The following NAPB variants were observed in gnomAD, a reference collection of about 807,000 sequenced individuals.
NAPB encodes NSF attachment protein beta.
Under a neutral mutation model 44.7 loss-of-function variants are expected in NAPB, and 26 were observed. That is an observed-to-expected ratio of 0.58 (90% CI 0.43 to 0.81). The LOEUF (loss-of-function observed/expected upper bound fraction) is 0.81, where lower values mean the gene tolerates loss of function less well. Ranked by LOEUF, NAPB falls within the 30% of genes least tolerant of loss-of-function variation. The pLI, the probability that NAPB is intolerant of heterozygous loss-of-function variation, is 0.00. For synonymous variants in NAPB, 120 were observed against 116.8 expected (o/e 1.03, Z -0.18); for missense variants, 315 against 356.4 (o/e 0.88, Z 0.94).
chr20:23,420,121 TCTGC>T (rs892011224), intron 1 of NAPB, among the ~76,000 whole-genome samples: 2 of 152,208 alleles, frequency 1.3e-5, no homozygotes, highest in Admixed American at 1.3e-4. Flanking sequence ...ACACAAAATT[TCTGC>T]CTTTCTCATC....
intron 7 of NAPB, among the ~76,000 whole-genome samples, chr20:23,389,007 AGG>A: frequency 1.3e-5 from 2 of 152,258 alleles, no homozygotes; most frequent in South Asian, 4.1e-4. Context: ...CATATCTAAT[AGG>A]GGATTAATAT....
In NAPB at chr20:23,413,130, C is replaced by G. The variant is rs981634964; in HGVS notation, c.98+8175G>C. Among the ~76,000 whole-genome samples the G allele has an allele frequency of 1.0e-4, 15 of 150,420 alleles. No homozygotes were observed. In the East Asian group the frequency reaches 2.9e-3, roughly 29 times the overall value. On this transcript the variant is annotated intron_variant, in intron 1 of 10. Coordinates refer to ENST00000377026, the MANE Select transcript of NAPB (RefSeq NM_022080.3). ...TGGGAAACACAGCAAGATTCCGTGT[C>G]GAAAAAAAAATTTTAAGTAAAGTGT...
At chr20:23,415,584 A>C (rs1985945526) in intron 1 of NAPB, among the ~76,000 whole-genome samples, 1 of 151,648 alleles carries the variant, frequency 6.6e-6, no homozygotes, top group African/African-American at 2.4e-5. Flanking sequence ...ACAGAGCAAG[A>C]CTCCATTTCA....
chr20:23,418,278 T>C lies in NAPB; in HGVS notation c.98+3027A>G, dbSNP rs540621000. On this transcript the variant is annotated intron_variant, in intron 1 of 10. Transcript: ENST00000377026. Reference sequence around the variant, plus strand: ...GAGATGGATTACTCTGCGTTTTAAATAAAGGATTACATGCAGACCTTTAGG... The same window carrying C: ...GAGATGGATTACTCTGCGTTTTAAACAAAGGATTACATGCAGACCTTTAGG... 9.2e-5 allele frequency among the ~76,000 whole-genome samples: 14 copies of C among 152,330 alleles called. 1 individual carries two copies. Among genetic ancestry groups the C allele is most frequent in the Middle Eastern group, 3.4e-3 (1 of 294 alleles).
intron 2 of NAPB, among the ~76,000 whole-genome samples, chr20:23,400,377 G>A (rs1279556552): frequency 2.6e-5 from 4 of 152,128 alleles, no homozygotes; most frequent in African/African-American, 7.2e-5. Flanking sequence ...TTAGCTGGGC[G>A]TGGTGGCACA....
intron 1 of NAPB, among the ~76,000 whole-genome samples, chr20:23,410,243 T>TG (rs1226513234): frequency 6.6e-6 from 1 of 152,070 alleles, no homozygotes; most frequent in East Asian, 1.9e-4. Flanking sequence ...GAAACCGCAC[T>TG]TAACTGTACC....
chr20:23,398,332 C>A (rs1984530087), intron 2 of NAPB, among the ~76,000 whole-genome samples: 1 of 152,084 alleles, frequency 6.6e-6, no homozygotes, highest in Non-Finnish European at 1.5e-5. Flanking sequence ...TGATATTAAA[C>A]ATTTGCTATA....
intron 7 of NAPB, 45 bp from the exon 8 acceptor site, chr20:23,381,362 A>G (rs761431868): frequency 4.0e-6 from 5 of 1,238,540 alleles, no homozygotes; most frequent in Non-Finnish European, 5.6e-6. Context: ...TTACCCTCTT[A>G]TATCAGGCAA....
chr20:23,420,090 A>G (rs1214080441), intron 1 of NAPB, among the ~76,000 whole-genome samples: 1 of 152,212 alleles, frequency 6.6e-6, no homozygotes, highest in African/African-American at 2.4e-5. Context: ...CACTTTCAAA[A>G]GAAAACAACG....
chr20:23,391,042 C>T (rs192448751), intron 5 of NAPB, among the ~76,000 whole-genome samples: 6 of 152,234 alleles, frequency 3.9e-5, no homozygotes, highest in East Asian at 3.9e-4. Flanking sequence ...CGGCCAGGTG[C>T]GGTGGCTCAT....
rs1200623968 is a variant in NAPB at position 23,376,379 on chromosome 20, G to GGAC, written c.*994_*996dup. ...GGGTTCTTGCCCACTTGGGCATACA[G>GGAC]GACATTCCTGTACCACATTCACCCC... On this transcript the variant is annotated 3_prime_UTR_variant, in exon 11 of 11. Coordinates refer to ENST00000377026, the MANE Select transcript of NAPB (RefSeq NM_022080.3). The GGAC allele has an allele frequency of 6.6e-6, 1 of 152,164 alleles. No homozygotes were observed. The highest frequency in any genetic ancestry group is 1.5e-5 in the Non-Finnish European group (1 of 68,044). The allele number at this position is 152,164 out of a possible 1,614,324, so 9.4% of individuals were successfully genotyped here.
intron 1 of NAPB, among the ~76,000 whole-genome samples, chr20:23,419,657 A>C (rs143477609): frequency 2.3e-3 from 345 of 152,356 alleles, no homozygotes; most frequent in African/African-American, 8.0e-3. Context: ...AACATTTAAA[A>C]GGAGTTAGTG....
At chr20:23,402,140 T>C (rs1340270849) in intron 2 of NAPB, among the ~76,000 whole-genome samples, 1 of 152,214 alleles carries the variant, frequency 6.6e-6, no homozygotes, top group African/African-American at 2.4e-5. Context: ...TTTAGAATCA[T>C]CTAGCTCAAA....
chr20:23,408,231 G>A (rs1985392071), intron 1 of NAPB, among the ~76,000 whole-genome samples: 1 of 152,122 alleles, frequency 6.6e-6, no homozygotes, highest in African/African-American at 2.4e-5. Flanking sequence ...GGGGAGCCTG[G>A]GGGGATCCCC....
Position 23,421,471 on chromosome 20 carries a change from T to C in NAPB, c.-69A>G. The C allele has an allele frequency of 1.4e-6, 2 of 1,405,338 alleles. No individual in the cohort carries two copies. Among genetic ancestry groups the C allele is most frequent in the South Asian group, 1.3e-5 (1 of 77,370 alleles). 87.1% of individuals were successfully genotyped at this position (1,405,338 alleles called of 1,614,324 possible). On this transcript the variant is annotated 5_prime_UTR_variant, in exon 1 of 11. Transcript: ENST00000377026. The stretch of plus-strand genomic sequence containing the variant: ...TGCGCCCAGGCGCCTTAACCCTCCC[T>C]CTGGCGGCCGCAGGGACGCAGGCGC...
intron 1 of NAPB, among the ~76,000 whole-genome samples, chr20:23,409,884 G>C (rs968191900): frequency 2.6e-5 from 4 of 152,196 alleles, no homozygotes; most frequent in African/African-American, 9.7e-5. Context: ...CCAGTCAGAG[G>C]GGCGTCTGTC....
At chr20:23,384,168 C>T (rs140596487) in intron 7 of NAPB, among the ~76,000 whole-genome samples, 11 of 152,182 alleles carry the variant, frequency 7.2e-5, no homozygotes, top group African/African-American at 2.6e-4. Context: ...TCCACAGGGC[C>T]GACTGTGGGA....
At chr20:23,418,516 T>C (rs966266186) in intron 1 of NAPB, among the ~76,000 whole-genome samples, 6 of 152,170 alleles carry the variant, frequency 3.9e-5, no homozygotes, top group African/African-American at 1.4e-4. Context: ...CTCCTAAAAT[T>C]CTAAGTACTC....
At position 23,377,409 on chromosome 20, in the gene NAPB, T is replaced by C; in HGVS notation, c.864A>G (p.Gln288=). The change falls in exon 11 of 11, where the codon CAA becomes CAG. Residue 288 remains glutamine, a synonymous_variant. Transcript: ENST00000377026. ...GGTCTCCATCTCCTTCTCCATCCCC[T>C]TGGATGGACTTTTTGATGCGAAGCA... ...TMLLRIKKSI[Q]GDGEGDGDLK The C allele has an allele frequency of 1.9e-6, 3 of 1,600,790 alleles. No homozygotes were observed. The highest frequency in any genetic ancestry group is 2.6e-6 in the Non-Finnish European group (3 of 1,171,304).
Sources: gnomAD v4.1 joint callset for allele counts (sites outside exome capture counted in the v4.1 genomes callset) on GRCh38, gnomAD v4.1.1 for gene constraint, MANE v1.5 for transcripts, NCBI Gene and HGNC (gene_info 2026-07-23, HGNC 2026-07-21) for gene names.